The following STON2 variants were observed in gnomAD, a reference collection of about 807,000 sequenced individuals.
The protein encoded by STON2 is stonin 2.
Under a neutral mutation model 65.7 loss-of-function variants are expected in STON2, and 29 were observed. The observed-to-expected ratio is 0.44, with a 90% CI of 0.33 to 0.60. The LOEUF (loss-of-function observed/expected upper bound fraction) is 0.60, where lower values mean the gene tolerates loss of function less well. STON2 is among the 20% of genes least tolerant of loss of function. The pLI, the probability that STON2 is intolerant of heterozygous loss-of-function variation, is 0.03. For synonymous variants in STON2, 404 were observed against 414.2 expected, an observed-to-expected ratio of 0.98 and a Z score of 0.30; for missense variants, 1,054 against 1,118.1, an observed-to-expected ratio of 0.94 and a Z score of 0.82.
chr14:81,371,573 T>G (rs1289737309), intron 3 of STON2, among the ~76,000 whole-genome samples: 1 of 150,256 alleles, frequency 6.7e-6, no homozygotes, highest in Non-Finnish European at 1.5e-5. Flanking sequence ...CTGGAGCCCG[T>G]AGTCCCAGCT....
chr14:81,394,999 C>A (rs1157420891), intron 3 of STON2: 1 of 152,166 alleles, frequency 6.6e-6, no homozygotes, highest in Non-Finnish European at 1.5e-5. Flanking sequence ...TACTTCAGTG[C>A]ACAATAAAGA....
At chr14:81,335,568 G>C (rs1251916311) in intron 4 of STON2, among the ~76,000 whole-genome samples, 6 of 152,194 alleles carry the variant, frequency 3.9e-5, no homozygotes, top group African/African-American at 1.4e-4. Flanking sequence ...ATACCCTGCT[G>C]CAGGAAAAGT....
intron 5 of STON2, among the ~76,000 whole-genome samples, chr14:81,290,346 T>C (rs1895506107): frequency 6.6e-6 from 1 of 152,224 alleles, no homozygotes; most frequent in African/African-American, 2.4e-5. Flanking sequence ...TGAGAATTTC[T>C]GCTTCAATCA....
intron 4 of STON2, among the ~76,000 whole-genome samples, chr14:81,359,241 A>C (rs909651800): frequency 1.3e-5 from 2 of 152,240 alleles, no homozygotes; most frequent in African/African-American, 4.8e-5. Context: ...GGAGAATTTC[A>C]GAAAATTCAC....
Position 81,339,454 on chromosome 14 carries a change from G to A in STON2, c.572-15267C>T, listed in dbSNP as rs539529830. ...GGGGCAGGCAACCAGCAAAGACAGT[G>A]CAGATCTCCAACCATCACTGTGGGA... On this transcript the variant is annotated intron_variant, in intron 4 of 7. Coordinates refer to ENST00000614646, the MANE Select transcript of STON2 (RefSeq NM_001394390.1). 2.0e-5 allele frequency among the ~76,000 whole-genome samples: 3 copies of A among 152,256 alleles called. No individual in the cohort carries two copies. The South Asian group carries it at 6.2e-4, about 32-fold the overall frequency.
At chr14:81,432,135 C>G (rs1595479687) in intron 1 of STON2, among the ~76,000 whole-genome samples, 3 of 151,916 alleles carry the variant, frequency 2.0e-5, no homozygotes, top group East Asian at 3.9e-4. Context: ...TTATTGGGAC[C>G]CTAGGTAGAG....
chr14:81,364,360 T>C (rs1898627542), intron 4 of STON2, among the ~76,000 whole-genome samples: 2 of 152,086 alleles, frequency 1.3e-5, no homozygotes, highest in South Asian at 4.1e-4. Flanking sequence ...GGCCAAGAGG[T>C]TCAGCAGAGC....
intron 1 of STON2, among the ~76,000 whole-genome samples, chr14:81,429,890 G>T (rs547972762): frequency 6.6e-6 from 1 of 151,406 alleles, no homozygotes; most frequent in South Asian, 2.1e-4. Flanking sequence ...AGCTGAGATC[G>T]CGCCACTGCA....
At chr14:81,409,386 CAG>C (rs1901038299) in intron 2 of STON2, among the ~76,000 whole-genome samples, 1 of 150,824 alleles carries the variant, frequency 6.6e-6, no homozygotes, top group Non-Finnish European at 1.5e-5. Context: ...GCCTGCGTGA[CAG>C]AGTGAGACTC....
chr14:81,311,860 C>T (rs768890139), intron 5 of STON2, among the ~76,000 whole-genome samples: 4 of 152,180 alleles, frequency 2.6e-5, no homozygotes, highest in Non-Finnish European at 5.9e-5. Context: ...TTCTGTTTTG[C>T]ATATTTTTTA....
chr14:81,371,024 G>C lies in STON2; in HGVS notation c.535C>G (p.Gln179Glu). 3 of 1,613,236 alleles carry C rather than the reference G, an allele frequency of 1.9e-6. No individual in the cohort carries two copies. Among genetic ancestry groups the C allele is most frequent in the Non-Finnish European group, 2.5e-6 (3 of 1,180,002 alleles). ...TDLQLINAEE[Q>E]TSGQASGADS... The stretch of plus-strand genomic sequence containing the variant: ...GCCCCAGAAGCCTGGCCACTCGTCT[G>C]CTCCTCAGCATTGATGAGCTGCAGA... The change falls in exon 4 of 8, where the codon CAG becomes GAG. Residue 179 changes from glutamine to glutamate, a missense_variant. Transcript: ENST00000614646.
In STON2 at chr14:81,277,374, C is replaced by T. The variant is rs34323725; in HGVS notation, c.2108G>A (p.Arg703His). The T allele has an allele frequency of 0.097, 156,477 of 1,614,030 alleles. 8,052 individuals carry two copies. The highest frequency in any genetic ancestry group is 0.12 in the African/African-American group (9,169 of 74,980). The change falls in exon 6 of 8, where the codon CGT becomes CAT. Residue 703 changes from arginine (R) to histidine (H), a missense_variant. Physicochemically the swap from Arg to His is conservative, Grantham distance 29. Coordinates refer to ENST00000614646, the MANE Select transcript of STON2 (RefSeq NM_001394390.1). Reference protein sequence around the residue: ...TTKWIKLHECRFHGCVDEDVF... With the variant: ...TTKWIKLHECHFHGCVDEDVF... ...ATCCTCATCCACACACCCATGGAAA[C>T]GGCACTCATGGAGCTTGATCCACTT...
intron 5 of STON2, among the ~76,000 whole-genome samples, chr14:81,281,355 T>C (rs1240404241): frequency 6.6e-6 from 1 of 152,208 alleles, no homozygotes; most frequent in Admixed American, 6.5e-5. Flanking sequence ...TATAATCACT[T>C]CCTTGGAATG....
At chr14:81,351,328 G>A (rs952306097) in intron 4 of STON2, among the ~76,000 whole-genome samples, 2 of 152,016 alleles carry the variant, frequency 1.3e-5, no homozygotes, top group South Asian at 2.1e-4. Flanking sequence ...ATCCAGAAAT[G>A]AAAACATCAC....
intron 4 of STON2, among the ~76,000 whole-genome samples, chr14:81,335,361 A>C (rs1251866754): frequency 6.6e-6 from 1 of 152,128 alleles, no homozygotes. Context: ...CTTAATCATG[A>C]CCCTCTCAAA....
In STON2 at chr14:81,270,768, T is replaced by C; in HGVS notation, c.2686A>G (p.Thr896Ala). 1.2e-6 allele frequency: 2 copies of C among 1,614,152 alleles called. No individual in the cohort carries two copies. Among genetic ancestry groups the C allele is most frequent in the Non-Finnish European group, 1.7e-6 (2 of 1,180,042 alleles). ...ACGCTGGCTTTGGAGGCAGAAGTTG[T>C]GGGCATGCTGAACTCGACATTCACG... ...NHVNVEFSMP[T>A]TSASKASVRS... The change falls in exon 7 of 8, where the codon ACA becomes GCA. Residue 896 changes from threonine (T) to alanine (A), a missense_variant. Physicochemically the swap from Thr to Ala is moderately conservative, Grantham distance 58. Coordinates refer to ENST00000614646, the MANE Select transcript of STON2 (RefSeq NM_001394390.1).
chr14:81,365,654 G>A (rs888719933), intron 4 of STON2, among the ~76,000 whole-genome samples: 5 of 152,122 alleles, frequency 3.3e-5, no homozygotes, highest in African/African-American at 1.2e-4. Context: ...TACTCAGGAG[G>A]CTGAGATGGG....
At chr14:81,345,821 T>C (rs1897789747) in intron 4 of STON2, among the ~76,000 whole-genome samples, 1 of 152,132 alleles carries the variant, frequency 6.6e-6, no homozygotes, top group African/African-American at 2.4e-5. Flanking sequence ...TATGGCAGCC[T>C]TAGGAGACTA....
chr14:81,357,038 A>G (rs544632602), intron 4 of STON2, among the ~76,000 whole-genome samples: 1 of 152,182 alleles, frequency 6.6e-6, no homozygotes, highest in Non-Finnish European at 1.5e-5. Flanking sequence ...ACAAAAGCTA[A>G]AATTGACAAA....
Sources: gnomAD v4.1 joint callset for allele counts (sites outside exome capture counted in the v4.1 genomes callset) on GRCh38, gnomAD v4.1.1 for gene constraint, MANE v1.5 for transcripts, NCBI Gene and HGNC (gene_info 2026-07-23, HGNC 2026-07-21) for gene names.